The following SUCLG2 variants were observed in gnomAD, a reference collection of about 807,000 sequenced individuals.
SUCLG2 encodes the protein succinate--CoA ligase [GDP-forming] subunit beta, mitochondrial.
Under a neutral mutation model 47.9 loss-of-function variants are expected in SUCLG2, and 42 were observed. That is an observed-to-expected ratio of 0.88 (90% CI 0.69 to 1.14). The LOEUF (loss-of-function observed/expected upper bound fraction) is 1.14, where lower values mean the gene tolerates loss of function less well. Ranked by LOEUF, SUCLG2 falls within the 50% of genes most tolerant of loss-of-function variation. SUCLG2 has a pLI of 0.00. For missense variants in SUCLG2, 571 were observed against 525.9 expected (o/e 1.09, Z -0.84); for synonymous variants, 195 against 197.3 (o/e 0.99, Z 0.10).
chr3:67,614,187 A>G, intron 1 of SUCLG2, among the ~76,000 whole-genome samples: 1 of 152,144 alleles, frequency 6.6e-6, no homozygotes, highest in South Asian at 2.1e-4. Flanking sequence ...CATCTGCCCC[A>G]GTGCCTTTTG....
At chr3:67,455,834 C>G (rs929052874) in intron 9 of SUCLG2, among the ~76,000 whole-genome samples, 5 of 152,140 alleles carry the variant, frequency 3.3e-5, no homozygotes, top group African/African-American at 1.2e-4. Flanking sequence ...TCAATCCCGG[C>G]AAGAACACCA....
At chr3:67,482,686 T>C (rs762602959) in intron 9 of SUCLG2, among the ~76,000 whole-genome samples, 4 of 152,166 alleles carry the variant, frequency 2.6e-5, no homozygotes, top group Non-Finnish European at 5.9e-5. Context: ...ATTTTGGTGT[T>C]TTCTCTCACA....
At chr3:67,505,138 T>G (rs895605038) in intron 7 of SUCLG2, among the ~76,000 whole-genome samples, 1 of 152,100 alleles carries the variant, frequency 6.6e-6, no homozygotes, top group Admixed American at 6.5e-5. Context: ...TCAATGAGAA[T>G]CATTTGAAGG....
intron 2 of SUCLG2, among the ~76,000 whole-genome samples, chr3:67,550,494 A>C (rs1706983603): frequency 6.6e-6 from 1 of 152,012 alleles, no homozygotes; most frequent in South Asian, 2.1e-4. Flanking sequence ...ACACAAGTGC[A>C]CACCACCATG....
At chr3:67,448,365 G>A (rs1386916509) in intron 9 of SUCLG2, among the ~76,000 whole-genome samples, 1 of 152,182 alleles carries the variant, frequency 6.6e-6, no homozygotes, top group African/African-American at 2.4e-5. Context: ...CAAATTAGGA[G>A]ACATGTAAAC....
chr3:67,366,866 T>C (rs1005369378), intron 10 of SUCLG2, among the ~76,000 whole-genome samples: 3 of 152,144 alleles, frequency 2.0e-5, no homozygotes, highest in Non-Finnish European at 4.4e-5. Context: ...CACAATGCCT[T>C]TTTCTAAGTA....
chr3:67,431,636 G>A (rs181873304), intron 9 of SUCLG2, among the ~76,000 whole-genome samples: 176 of 151,734 alleles, frequency 1.2e-3, no homozygotes, highest in Non-Finnish European at 2.1e-3. Flanking sequence ...ACTATCACAA[G>A]GACAGAAAAC....
intron 9 of SUCLG2, among the ~76,000 whole-genome samples, chr3:67,443,370 C>T (rs190797600): frequency 0.13 from 7,723 of 58,382 alleles, 2,926 homozygotes; most frequent in East Asian, 0.44. Context: ...CGGGAGGCAG[C>T]GGCTGGAGGA....
At chr3:67,360,511 C>A (rs945272842) in exon 11 of SUCLG2, 2 of 1,102,762 alleles carry the variant, frequency 1.8e-6, no homozygotes, top group African/African-American at 1.6e-5. Flanking sequence ...AAGCCATGCC[C>A]TTCCATTTTC....
intron 2 of SUCLG2, among the ~76,000 whole-genome samples, chr3:67,567,340 G>C (rs368988630): frequency 4.6e-5 from 7 of 151,732 alleles, no homozygotes; most frequent in East Asian, 3.9e-4. Context: ...CTGTCACCCA[G>C]GATAGAGTAC....
intron 2 of SUCLG2, among the ~76,000 whole-genome samples, chr3:67,584,850 T>C (rs775882003): frequency 1.3e-5 from 2 of 152,108 alleles, no homozygotes; most frequent in African/African-American, 2.4e-5. Context: ...TCAGATCTCA[T>C]GCGAACTCAC....
At chr3:67,513,699 C>T (rs1705858416) in intron 6 of SUCLG2, among the ~76,000 whole-genome samples, 1 of 152,208 alleles carries the variant, frequency 6.6e-6, no homozygotes, top group Admixed American at 6.5e-5. Flanking sequence ...CAGTCAGTCG[C>T]TTACTACTGC....
chr3:67,591,746 C>T (rs1179915327), intron 2 of SUCLG2, among the ~76,000 whole-genome samples: 1 of 152,156 alleles, frequency 6.6e-6, no homozygotes. Flanking sequence ...CGGACTAATA[C>T]AACAATACGT....
intron 9 of SUCLG2, among the ~76,000 whole-genome samples, chr3:67,474,471 G>A (rs1704692874): frequency 1.3e-5 from 2 of 152,128 alleles, no homozygotes; most frequent in Admixed American, 6.5e-5. Context: ...GAGACAAGAC[G>A]TGATTTGATT....
At chr3:67,368,826 G>A (rs940167253) in intron 10 of SUCLG2, among the ~76,000 whole-genome samples, 4 of 152,030 alleles carry the variant, frequency 2.6e-5, no homozygotes, top group Admixed American at 6.6e-5. Flanking sequence ...AGCTGGTCTC[G>A]AATTCCTAAC....
rs139211416 is a variant in SUCLG2 at position 67,477,524 on chromosome 3, G to A, written c.1062+18274C>T. Among the ~76,000 whole-genome samples, 492 of 152,216 alleles carry A rather than the reference G, an allele frequency of 3.2e-3. 1 individual carries two copies. The highest frequency in any genetic ancestry group is 4.0e-3 in the Non-Finnish European group (271 of 68,008). On this transcript the variant is annotated intron_variant, in intron 9 of 10. Coordinates refer to ENST00000307227, the MANE Select transcript of SUCLG2 (RefSeq NM_003848.4). The stretch of plus-strand genomic sequence containing the variant: ...AGGGTGGCCAACATGGCAAAACCCC[G>A]TCTCTATTAAAAATACAAAAATTAG...
At chr3:67,441,410 C>T (rs1703760919) in intron 9 of SUCLG2, among the ~76,000 whole-genome samples, 1 of 151,998 alleles carries the variant, frequency 6.6e-6, no homozygotes, top group African/African-American at 2.4e-5. Flanking sequence ...GTTGAGTCTC[C>T]TGTCTTGTCA....
intron 2 of SUCLG2, among the ~76,000 whole-genome samples, chr3:67,566,489 CCA>C (rs1259723953): frequency 6.6e-6 from 1 of 152,052 alleles, no homozygotes; most frequent in African/African-American, 2.4e-5. Context: ...ATATGTATCT[CCA>C]CACAGAAAAA....
Position 67,375,817 on chromosome 3 carries a change from C to T in SUCLG2, c.1226G>A (p.Gly409Glu). 6.2e-7 allele frequency: 1 copy of T among 1,613,948 alleles called. No homozygotes were observed. The highest frequency in any genetic ancestry group is 8.5e-7 in the Non-Finnish European group (1 of 1,179,916). The stretch of plus-strand genomic sequence containing the variant: ...GTCAATGGCTGAAGTAATGGGGAGT[C>T]CGCTGTTGTTGAGTATCTTCTGGGC... Reference protein sequence around the residue: ...QEAQKILNNSGLPITSAIDLE... With the variant: ...QEAQKILNNSELPITSAIDLE... The change falls in exon 11 of 11, where the codon GGA becomes GAA. Residue 409 changes from glycine to glutamate, a missense_variant. By Grantham distance (98) the Gly-to-Glu change is moderately conservative (BLOSUM62 -2). Coordinates refer to ENST00000307227, the MANE Select transcript of SUCLG2 (RefSeq NM_003848.4).
Sources: allele counts gnomAD v4.1 joint callset (sites outside exome capture counted in the v4.1 genomes callset), GRCh38; gene constraint gnomAD v4.1.1; transcripts MANE v1.5; gene names NCBI Gene and HGNC (gene_info 2026-07-23, HGNC 2026-07-21).